YY1: variants seen among roughly 807,000 people sequenced by gnomAD.
YY1 encodes YY1 transcription factor, also known as transcriptional repressor protein YY1.
Under a neutral mutation model 35.6 loss-of-function variants are expected in YY1, and 2 were observed. That is an observed-to-expected ratio of 0.06 (90% CI 0.02 to 0.18). YY1 has a LOEUF of 0.18. YY1 is among the 10% of genes least tolerant of loss of function. The pLI, the probability that YY1 is intolerant of heterozygous loss-of-function variation, is 1.00. For synonymous variants in YY1, 268 were observed against 238.9 expected (o/e 1.12, Z -1.12); for missense variants, 322 against 573.4 (o/e 0.56, Z 4.48).
At chr14:100,261,790 A>G (rs979876851) in intron 1 of YY1, among the ~76,000 whole-genome samples, 1 of 152,168 alleles carries the variant, frequency 6.6e-6, no homozygotes, top group African/African-American at 2.4e-5. Flanking sequence ...AAGGCTATGA[A>G]ATCAGATTTG....
chr14:100,253,365 A>T (rs1392423387), intron 1 of YY1, among the ~76,000 whole-genome samples: 1 of 152,228 alleles, frequency 6.6e-6, no homozygotes, highest in African/African-American at 2.4e-5. Context: ...AGTAGTAATT[A>T]TGAAGGGAAT....
At chr14:100,253,607 G>A (rs1021184334) in intron 1 of YY1, among the ~76,000 whole-genome samples, 5 of 151,924 alleles carry the variant, frequency 3.3e-5, no homozygotes, top group Non-Finnish European at 7.4e-5. Context: ...TAGTATTGAT[G>A]GAGTTTCACC....
At chr14:100,249,379 C>CA (rs2139574161) in intron 1 of YY1, among the ~76,000 whole-genome samples, 1 of 152,066 alleles carries the variant, frequency 6.6e-6, no homozygotes, top group South Asian at 2.1e-4. Context: ...CCTCAGCCTC[C>CA]AAAGTTCTGG....
At chr14:100,261,218 C>G (rs777947670) in intron 1 of YY1, among the ~76,000 whole-genome samples, 25 of 152,152 alleles carry the variant, frequency 1.6e-4, no homozygotes, top group Non-Finnish European at 2.9e-4. Flanking sequence ...GAGACAGACT[C>G]TCACTCTGTC....
intron 1 of YY1, among the ~76,000 whole-genome samples, chr14:100,243,516 G>T (rs1042218221): frequency 6.6e-6 from 1 of 152,142 alleles, no homozygotes; most frequent in Non-Finnish European, 1.5e-5. Context: ...GATCAGGCTG[G>T]GTGCAGTGGC....
chr14:100,265,564 C>G (rs746924984), intron 2 of YY1, among the ~76,000 whole-genome samples: 32 of 151,984 alleles, frequency 2.1e-4, no homozygotes, highest in African/African-American at 3.4e-4. Context: ...AAAACCACCT[C>G]AAGTCCAACA....
intron 2 of YY1, among the ~76,000 whole-genome samples, chr14:100,271,396 G>C (rs1891236844): frequency 6.6e-6 from 1 of 152,106 alleles, no homozygotes; most frequent in African/African-American, 2.4e-5. Context: ...CTGATTTTGT[G>C]AACTCAGGCC....
chr14:100,246,385 G>A (rs1017092386), intron 1 of YY1, among the ~76,000 whole-genome samples: 11 of 152,200 alleles, frequency 7.2e-5, no homozygotes, highest in Non-Finnish European at 1.0e-4. Flanking sequence ...CCTCCTTCAC[G>A]CCTAGGAGTC....
intron 1 of YY1, among the ~76,000 whole-genome samples, 153 bp downstream of exon 1, chr14:100,240,076 G>T (rs1260827931): frequency 6.8e-6 from 1 of 146,472 alleles, no homozygotes; most frequent in Non-Finnish European, 1.5e-5. Flanking sequence ...GGGCGCGGCG[G>T]CGGCGGCGGG....
At chr14:100,253,559 A>G (rs1329602646) in intron 1 of YY1, among the ~76,000 whole-genome samples, 1 of 152,066 alleles carries the variant, frequency 6.6e-6, no homozygotes, top group Non-Finnish European at 1.5e-5. Context: ...CAGGGATTAC[A>G]GGTATGTGCC....
chr14:100,277,520 G>A lies in YY1; in HGVS notation c.1165G>A (p.Gly389Ser). Residue 389 changes from glycine to serine, a missense_variant, in exon 5 of 5, where the codon GGT becomes AGT. Gly to Ser is a moderately conservative substitution (Grantham distance 56, BLOSUM62 0). Coordinates refer to ENST00000262238, the MANE Select transcript of YY1 (RefSeq NM_003403.5). This position sits in a 1 kb window ranked among gnomAD's most constrained non-coding sequence, Gnocchi z 5.6. ...CAGGCCCTATGTGTGCCCCTTCGAT[G>A]GTTGTAATAAGAAGTTTGCTCAGTC... ...GDRPYVCPFDGCNKKFAQSTN... is the reference protein window; with the variant it reads ...GDRPYVCPFDSCNKKFAQSTN... 1 of 1,614,156 alleles carries A rather than the reference G, an allele frequency of 6.2e-7. No homozygotes were observed.
At chr14:100,267,476 C>T (rs1461470200) in intron 2 of YY1, among the ~76,000 whole-genome samples, 3 of 151,796 alleles carry the variant, frequency 2.0e-5, no homozygotes, top group African/African-American at 4.8e-5. Context: ...AGAGTTTGGG[C>T]CCTGTGAGGT....
chr14:100,242,546 G>C (rs113838980), intron 1 of YY1, among the ~76,000 whole-genome samples: 1 of 149,010 alleles, frequency 6.7e-6, no homozygotes, highest in Non-Finnish European at 1.5e-5. Context: ...CCACCACCAC[G>C]CCCGGCTAAT....
chr14:100,240,016 G>C, intron 1 of YY1, 93 bp downstream of exon 1: 2 of 1,274,576 alleles, frequency 1.6e-6, no homozygotes, highest in Non-Finnish European at 2.1e-6. Flanking sequence ...CATCTTCTTC[G>C]CCAGGGCAAG....
chr14:100,277,280 C>A lies in YY1; in HGVS notation c.1063-138C>A, dbSNP rs1891335748. ...CTGCCTGCTGATTCTAGACTATATC[C>A]ACAAAGTTCACCCAGGGCAGGAATG... is the stretch of plus-strand genomic sequence containing the variant. On this transcript the variant is annotated intron_variant, in intron 4 of 4. Transcript: ENST00000262238. The surrounding 1 kb of genome is among the most constrained non-coding windows in gnomAD (Gnocchi z 5.6). 9.1e-7 allele frequency: 1 copy of A among 1,104,670 alleles called. No homozygotes were observed. Among genetic ancestry groups the A allele is most frequent in the East Asian group, 2.5e-5 (1 of 40,574 alleles). The allele number at this position is 1,104,670 out of a possible 1,614,324, so 68.4% of individuals were successfully genotyped here.
chr14:100,258,136 A>C (rs1400870642), intron 1 of YY1, among the ~76,000 whole-genome samples: 1 of 152,106 alleles, frequency 6.6e-6, no homozygotes, highest in East Asian at 1.9e-4. Context: ...TGTCAAAAAA[A>C]AAAGAAAAGA....
At chr14:100,257,812 T>C (rs897727602) in intron 1 of YY1, among the ~76,000 whole-genome samples, 1 of 152,226 alleles carries the variant, frequency 6.6e-6, no homozygotes, top group Non-Finnish European at 1.5e-5. Flanking sequence ...CAGTAGCTTA[T>C]TCAGAGTAGC....
chr14:100,267,629 T>C (rs1242679608), intron 2 of YY1, among the ~76,000 whole-genome samples: 2 of 152,010 alleles, frequency 1.3e-5, no homozygotes, highest in Non-Finnish European at 2.9e-5. Flanking sequence ...GTTCAAGCAA[T>C]TCTTCTGCCT....
intron 2 of YY1, among the ~76,000 whole-genome samples, chr14:100,263,365 G>A (rs1891110802): frequency 2.0e-5 from 3 of 152,200 alleles, no homozygotes; most frequent in Admixed American, 6.5e-5. Flanking sequence ...AATTTAAGCT[G>A]GCATGACAGG....
Sources: allele counts gnomAD v4.1 joint callset (sites outside exome capture counted in the v4.1 genomes callset), GRCh38; gene constraint gnomAD v4.1.1; non-coding constraint Gnocchi (gnomAD v3.1); transcripts MANE v1.5; gene names NCBI Gene and HGNC (gene_info 2026-07-23, HGNC 2026-07-21).